The following RIMBP2 variants were observed in gnomAD, a reference collection of about 807,000 sequenced individuals.
RIMBP2 encodes RIMS-binding protein 2.
A neutral mutation model predicts 118.6 loss-of-function variants in RIMBP2; 48 were observed. That is an observed-to-expected ratio of 0.40 (90% confidence interval 0.32 to 0.51). The LOEUF is 0.51. Among genes scored for constraint, RIMBP2 ranks in the 20% least tolerant of loss-of-function variants. The pLI, the probability that RIMBP2 is intolerant of heterozygous loss-of-function variation, is 0.41. For synonymous variants in RIMBP2, 762 were observed against 742.9 expected (o/e 1.03, Z -0.42); for missense variants, 1,551 against 1,768.3 (o/e 0.88, Z 2.20).
chr12:130,626,368 G>A (rs1188388843), intron 2 of RIMBP2, among the ~76,000 whole-genome samples: 3 of 146,602 alleles, frequency 2.0e-5, no homozygotes, highest in Non-Finnish European at 4.4e-5. Flanking sequence ...ACTACCACTG[G>A]CATCACCACC....
chr12:130,635,282 T>A (rs1179202158), intron 1 of RIMBP2, among the ~76,000 whole-genome samples: 1 of 152,094 alleles, frequency 6.6e-6, no homozygotes, highest in African/African-American at 2.4e-5. Flanking sequence ...AGACTGTCAC[T>A]CCAGGAGGGG....
chr12:130,692,090 G>A (rs2065333115), intron 1 of RIMBP2, among the ~76,000 whole-genome samples: 1 of 152,234 alleles, frequency 6.6e-6, no homozygotes, highest in Non-Finnish European at 1.5e-5. Flanking sequence ...CGTCTGCAGA[G>A]CTGGTGTGCA....
intron 4 of RIMBP2, among the ~76,000 whole-genome samples, chr12:130,494,856 G>C (rs978386958): frequency 2.0e-5 from 3 of 152,188 alleles, no homozygotes; most frequent in African/African-American, 7.2e-5. Flanking sequence ...TTAAGACAAT[G>C]GAAAGTGTCC....
At chr12:130,413,404 C>T (rs1323696949) in intron 18 of RIMBP2, among the ~76,000 whole-genome samples, 1 of 152,074 alleles carries the variant, frequency 6.6e-6, no homozygotes, top group African/African-American at 2.4e-5. Flanking sequence ...CCAAGGCGGG[C>T]AGATCACTTA....
chr12:130,512,328 T>G (rs28661049), intron 3 of RIMBP2, among the ~76,000 whole-genome samples: 6,855 of 147,620 alleles, frequency 0.046, 328 homozygotes, highest in African/African-American at 0.11. Flanking sequence ...TCCATTGCTT[T>G]CTTTTTTTTT....
intron 2 of RIMBP2, among the ~76,000 whole-genome samples, chr12:130,618,418 C>A (rs1472737617): frequency 6.6e-6 from 1 of 152,138 alleles, no homozygotes; most frequent in Non-Finnish European, 1.5e-5. Context: ...GAGCGAGCCC[C>A]ACAGCGGATC....
chr12:130,641,537 G>A (rs1265288387), intron 1 of RIMBP2, among the ~76,000 whole-genome samples: 1 of 152,208 alleles, frequency 6.6e-6, no homozygotes, highest in African/African-American at 2.4e-5. Flanking sequence ...GATGGTGACT[G>A]CAGCGCTTTG....
intron 1 of RIMBP2, chr12:130,660,443 G>A (rs2063610609): frequency 7.4e-6 from 1 of 134,260 alleles, no homozygotes; most frequent in African/African-American, 2.7e-5. Context: ...CTCTGAGGAG[G>A]GGCAGGATTC....
chr12:130,397,255 CAG>C lies in RIMBP2; in HGVS notation c.*104_*105del, dbSNP rs2074134472. The stretch of plus-strand genomic sequence containing the variant: ...CAAAAGTGCATTTCTCTACTGGTGT[CAG>C]GGGAGAAGATTGGGTTTTTTTAGGA... On this transcript the variant is annotated 3_prime_UTR_variant, in exon 23 of 23. Transcript: ENST00000690449. The C allele has an allele frequency of 2.5e-6, 1 of 395,138 alleles. No homozygotes were observed. The highest frequency in any genetic ancestry group is 4.5e-6 in the Non-Finnish European group (1 of 224,198). The allele number at this position is 395,138 out of a possible 1,614,324, so 24.5% of individuals were successfully genotyped here.
chr12:130,666,579 G>A (rs935278161), intron 1 of RIMBP2, among the ~76,000 whole-genome samples: 8 of 152,026 alleles, frequency 5.3e-5, no homozygotes, highest in African/African-American at 1.9e-4. Context: ...AAGGAGAGGT[G>A]GTAACTATCC....
chr12:130,508,806 C>A (rs765688345), intron 3 of RIMBP2, among the ~76,000 whole-genome samples: 44 of 152,264 alleles, frequency 2.9e-4, no homozygotes, highest in Non-Finnish European at 3.4e-4. Flanking sequence ...AGTGGTCGAG[C>A]AAGATTTTTG....
At chr12:130,653,735 C>T (rs1167739739) in intron 1 of RIMBP2, among the ~76,000 whole-genome samples, 1 of 152,228 alleles carries the variant, frequency 6.6e-6, no homozygotes, top group Non-Finnish European at 1.5e-5. Flanking sequence ...TAGGTGGAAG[C>T]CACCAAGCCT....
At chr12:130,584,292 C>G (rs1593907589) in intron 2 of RIMBP2, among the ~76,000 whole-genome samples, 1 of 40,336 alleles carries the variant, frequency 2.5e-5, no homozygotes. Flanking sequence ...GCCATCACCA[C>G]CATCACATCA....
chr12:130,438,508 C>T lies in RIMBP2; in HGVS notation c.1513G>A (p.Ala505Thr), dbSNP rs1173969555. The T allele has an allele frequency of 1.3e-6, 2 of 1,599,950 alleles. No individual in the cohort carries two copies. The highest frequency in any genetic ancestry group is 1.7e-5 in the Admixed American group (1 of 58,914). ...TGGACGGTAACATCTTGTGGGGGTGCTGGGGGTCCTGGGAGGGGACAGAAG... is the reference window on the plus strand; with the variant it reads ...TGGACGGTAACATCTTGTGGGGGTGTTGGGGGTCCTGGGAGGGGACAGAAG... ...EFSTLPAGPP[A>T]PPQDVTVQAG... The change falls in exon 12 of 23, where the codon GCA becomes ACA. Residue 505 changes from alanine to threonine, a missense_variant. Physicochemically the swap from Ala to Thr is moderately conservative, Grantham distance 58 (BLOSUM62 0). Around this residue, in one of 5 missense-constraint regions of RIMBP2, gnomAD observed 1,038 missense variants for 1,125.1 expected, o/e 0.92. Transcript: ENST00000690449.
At chr12:130,716,015 T>G (rs182095687) in intron 1 of RIMBP2, among the ~76,000 whole-genome samples, 1 of 151,922 alleles carries the variant, frequency 6.6e-6, no homozygotes, top group South Asian at 2.1e-4. Context: ...AGCACCGACA[T>G]GCCAGCAGGG....
In RIMBP2 at chr12:130,676,516, A is replaced by G. The variant is rs528633620; in HGVS notation, c.-352+39706T>C. On this transcript the variant is annotated intron_variant, in intron 1 of 22. Coordinates refer to ENST00000690449, the MANE Select transcript of RIMBP2 (RefSeq NM_001393629.1). ...TATGTGCCTGTAGTCCCAGCTACTCAGGAGGCTGAGGCAGGAGAATCGCTT... is the reference window on the plus strand; with the variant it reads ...TATGTGCCTGTAGTCCCAGCTACTCGGGAGGCTGAGGCAGGAGAATCGCTT... Among the ~76,000 whole-genome samples, 14 of 151,828 alleles carry G rather than the reference A, an allele frequency of 9.2e-5. No individual in the cohort carries two copies. The South Asian group carries it at 2.3e-3, about 25-fold the overall frequency.
At chr12:130,537,492 T>G (rs901200285) in intron 2 of RIMBP2, among the ~76,000 whole-genome samples, 1 of 152,180 alleles carries the variant, frequency 6.6e-6, no homozygotes, top group Non-Finnish European at 1.5e-5. Context: ...CATATTGCCA[T>G]TAGCAAACGA....
Position 130,576,694 on chromosome 12 carries a change from A to T in RIMBP2, c.-217+51628T>A, listed in dbSNP as rs1173148637. On this transcript the variant is annotated intron_variant, in intron 2 of 22. Transcript: ENST00000690449. This position sits in a 1 kb window ranked among gnomAD's most constrained non-coding sequence, Gnocchi z 4.2. ...GAGGACGGCAGGGAGTCCTTAGCAC[A>T]AACTGCCAGCAGCAGCGAGGAGGAG... Among the ~76,000 whole-genome samples the T allele has an allele frequency of 1.3e-5, 2 of 152,210 alleles. No homozygotes were observed. Among genetic ancestry groups the T allele is most frequent in the Non-Finnish European group, 2.9e-5 (2 of 68,024 alleles).
intron 2 of RIMBP2, among the ~76,000 whole-genome samples, chr12:130,536,178 T>TGA (rs947457212): frequency 5.3e-5 from 8 of 150,842 alleles, no homozygotes; most frequent in African/African-American, 9.8e-5. Flanking sequence ...TGTACAAAAA[T>TGA]GAGAGAGAGA....
Sources: gnomAD v4.1 joint callset for allele counts (sites outside exome capture counted in the v4.1 genomes callset) on GRCh38, gnomAD v4.1.1 for gene constraint, gnomAD v4.1.1 regional missense constraint, Gnocchi (gnomAD v3.1) non-coding constraint, MANE v1.5 for transcripts, NCBI Gene and HGNC (gene_info 2026-07-23, HGNC 2026-07-21) for gene names.